Variants in CD99 observed in about 807,000 individuals in gnomAD.
CD99 encodes the protein CD99 antigen.
Under a neutral mutation model 28.4 loss-of-function variants are expected in CD99, and 19 were observed. The ratio of observed to expected loss-of-function variants is 0.67; its 90% confidence interval spans 0.47 to 0.98. CD99 has a LOEUF of 0.98. Among genes scored for constraint, CD99 ranks in the 50% least tolerant of loss-of-function variants. CD99 has a pLI of 0.00. For synonymous variants in CD99, 103 were observed against 92.1 expected, an observed-to-expected ratio of 1.12 and a Z score of -0.67; for missense variants, 283 against 248.8, an observed-to-expected ratio of 1.14 and a Z score of -0.92.
chrX:2,717,648 T>C lies in CD99; in HGVS notation c.144T>C (p.Ser48=), dbSNP rs775091279. ...CCACTGCAATCCCCAAGAAACCCAG[T>C]GCTGGTGAGAAGGGCTTCTTCCTAG... ...KKPTAIPKKP[S]AGDDFDLGDA... Residue 48 remains serine, a synonymous_variant, in exon 3 of 10, where the codon AGT becomes AGC. Transcript: ENST00000381192. The C allele has an allele frequency of 6.2e-7, 1 of 1,613,382 alleles. No individual in the cohort carries two copies. The highest frequency in any genetic ancestry group is 1.1e-5 in the South Asian group (1 of 91,058).
chrX:2,740,677 A>C, intron 9 of CD99, 102 bp from the exon 10 acceptor site: 1 of 1,156,998 alleles, frequency 8.6e-7, no homozygotes. Context: ...CATTTTTCTT[A>C]TGCAGAAATA....
chrX:2,716,820 A>C (rs186717964), intron 2 of CD99, among the ~76,000 whole-genome samples: 33 of 152,096 alleles, frequency 2.2e-4, no homozygotes, highest in African/African-American at 8.0e-4. Flanking sequence ...TACAGCCTCC[A>C]CCTGATTTGC....
At chrX:2,733,274 C>A in intron 8 of CD99, 1 of 1,398,652 alleles carries the variant, frequency 7.1e-7, no homozygotes, top group Non-Finnish European at 9.9e-7. Flanking sequence ...CTGCTGGGAG[C>A]CCCAGCGCAC....
chrX:2,705,762 C>T (rs1424571433), intron 1 of CD99, among the ~76,000 whole-genome samples: 1 of 152,104 alleles, frequency 6.6e-6, no homozygotes, highest in Non-Finnish European at 1.5e-5. Context: ...TGTTAAATGA[C>T]ACATCTTGAA....
At chrX:2,711,219 A>G (rs1380763654) in intron 1 of CD99, among the ~76,000 whole-genome samples, 3 of 147,972 alleles carry the variant, frequency 2.0e-5, no homozygotes, top group African/African-American at 7.4e-5. Flanking sequence ...AGTCAGGGCA[A>G]GTCTATATAT....
chrX:2,728,197 TTTC>T (rs2049393315), intron 8 of CD99, among the ~76,000 whole-genome samples: 1 of 146,686 alleles, frequency 6.8e-6, no homozygotes, highest in Non-Finnish European at 1.5e-5. Context: ...TGTTTGGTTG[TTTC>T]TTTTTTTTTT....
chrX:2,697,425 G>A (rs1428099506), intron 1 of CD99, among the ~76,000 whole-genome samples: 2 of 152,152 alleles, frequency 1.3e-5, no homozygotes, highest in Non-Finnish European at 2.9e-5. Flanking sequence ...TGAGGAGGCA[G>A]CAGACTGGCC....
intron 1 of CD99, among the ~76,000 whole-genome samples, chrX:2,695,412 C>T (rs765496137): frequency 1.3e-5 from 2 of 151,934 alleles, no homozygotes; most frequent in African/African-American, 4.8e-5. Context: ...ACTATGTTGA[C>T]CAGGCTGAAA....
At chrX:2,717,075 G>A (rs1369595548) in intron 2 of CD99, among the ~76,000 whole-genome samples, 3 of 152,002 alleles carry the variant, frequency 2.0e-5, no homozygotes, top group African/African-American at 7.2e-5. Context: ...GGCTGGGCAC[G>A]GTGGCTCAAG....
At chrX:2,695,034 C>G (rs1219168366) in intron 1 of CD99, among the ~76,000 whole-genome samples, 2 of 152,060 alleles carry the variant, frequency 1.3e-5, no homozygotes, top group Non-Finnish European at 2.9e-5. Context: ...CAGATATCTT[C>G]CCCCGGGGAA....
rs1465502165 is a variant in CD99 at position 2,717,668 on chromosome X, T to A, written c.148+16T>A. 20 of 1,610,926 alleles carry A rather than the reference T, an allele frequency of 1.2e-5. No homozygotes were observed. The highest frequency in any genetic ancestry group is 3.3e-4 in the Middle Eastern group (2 of 6,076). ...CCCAGTGCTGGTGAGAAGGGCTTCT[T>A]CCTAGTATGCAAAGAAAAAGAGCAA... On this transcript the variant is annotated intron_variant, in intron 3 of 9. Transcript: ENST00000381192.
Position 2,734,055 on chromosome X carries a change from G to A in CD99, c.476-4145G>A, listed in dbSNP as rs151289539. On this transcript the variant is annotated intron_variant, in intron 8 of 9. Transcript: ENST00000381192. ...GGTCCCTATTCACACATTTGAGCACGGAGCCTCTGCGGCCGTCTTCCTTGG... is the reference window on the plus strand; with the variant it reads ...GGTCCCTATTCACACATTTGAGCACAGAGCCTCTGCGGCCGTCTTCCTTGG... Among the ~76,000 whole-genome samples the A allele has an allele frequency of 6.9e-4, 105 of 152,254 alleles. No homozygotes were observed. In the East Asian group the frequency reaches 0.014, roughly 20 times the overall value.
Position 2,726,304 on chromosome X carries a change from G to A in CD99, c.406G>A (p.Val136Ile), listed in dbSNP as rs745447317. Residue 136 changes from valine (V) to isoleucine (I), a missense_variant, in exon 8 of 10, where the codon GTC becomes ATC. By Grantham distance (29) the Val-to-Ile change is conservative (BLOSUM62 3). Transcript: ENST00000381192. ...VIPGIVGAVV[V>I]AVAGAISSFI... is the part of the protein sequence containing the mutation. ...CCCCGGGATTGTGGGGGCTGTCGTG[G>A]TCGCCGTGGCTGGAGCCATCTCTAG... 2 of 1,612,158 alleles carry A rather than the reference G, an allele frequency of 1.2e-6. No individual in the cohort carries two copies. The highest frequency in any genetic ancestry group is 4.5e-5 in the East Asian group (2 of 44,874).
intron 8 of CD99, among the ~76,000 whole-genome samples, chrX:2,732,934 CCTCT>C (rs1224579021): frequency 2.1e-5 from 3 of 144,556 alleles, no homozygotes; most frequent in Non-Finnish European, 4.6e-5. Flanking sequence ...TTCCTCCTTC[CCTCT>C]CTCCTTCCCT....
chrX:2,705,212 G>A (rs2048060937), intron 1 of CD99, among the ~76,000 whole-genome samples: 1 of 152,190 alleles, frequency 6.6e-6, no homozygotes, highest in Admixed American at 6.5e-5. Context: ...TAAAGTGTAG[G>A]ATGTTTGGTG....
At chrX:2,734,479 G>GT (rs1489152950) in intron 8 of CD99, among the ~76,000 whole-genome samples, 1 of 151,638 alleles carries the variant, frequency 6.6e-6, no homozygotes, top group Admixed American at 6.6e-5. Context: ...GCTAATTTTT[G>GT]TATTTTTAGT....
intron 1 of CD99, among the ~76,000 whole-genome samples, chrX:2,693,098 T>G (rs2047407560): frequency 1.3e-5 from 2 of 152,062 alleles, no homozygotes; most frequent in African/African-American, 4.8e-5. Context: ...TTATATTCTC[T>G]AAGCCCCAAA....
In CD99 at chrX:2,741,001, A is replaced by AG; in HGVS notation, c.*202dup. ...TACTAACGATGAATTTTACATCCAA[A>AG]GGGGGATAGGCACTTGGACCCCCAT... is the stretch of plus-strand genomic sequence containing the variant. On this transcript the variant is annotated 3_prime_UTR_variant, in exon 10 of 10. Transcript: ENST00000381192. 1.5e-6 allele frequency: 1 copy of AG among 665,514 alleles called. No homozygotes were observed. Among genetic ancestry groups the AG allele is most frequent in the Non-Finnish European group, 2.7e-6 (1 of 374,972 alleles). 41.2% of individuals were successfully genotyped at this position (665,514 alleles called of 1,614,324 possible).
At chrX:2,696,711 G>T (rs1373947781) in intron 1 of CD99, among the ~76,000 whole-genome samples, 1 of 152,102 alleles carries the variant, frequency 6.6e-6, no homozygotes, top group Admixed American at 6.6e-5. Context: ...CTGAAACATG[G>T]TAGCTCACCA....
Sources: gnomAD v4.1 joint callset for allele counts (sites outside exome capture counted in the v4.1 genomes callset) on GRCh38, gnomAD v4.1.1 for gene constraint, MANE v1.5 for transcripts, NCBI Gene and HGNC (gene_info 2026-07-23, HGNC 2026-07-21) for gene names.